The following SGPP2 variants were observed in gnomAD, a reference collection of about 807,000 sequenced individuals.
SGPP2 encodes the protein sphingosine 1-phosphate phosphohydrolase 2.
Under a neutral mutation model 33.9 loss-of-function variants are expected in SGPP2, and 30 were observed. The ratio of observed to expected loss-of-function variants is 0.89; its 90% CI spans 0.66 to 1.20. SGPP2 has a LOEUF of 1.20. Among genes scored for constraint, SGPP2 ranks in the 50% most tolerant of loss-of-function variants. The pLI, the probability that SGPP2 is intolerant of heterozygous loss-of-function variation, is 0.00. For synonymous variants in SGPP2, 233 were observed against 225.0 expected (o/e 1.04, Z -0.32); for missense variants, 458 against 532.1 (o/e 0.86, Z 1.37).
At position 222,476,019 on chromosome 2, in the gene SGPP2, G is replaced by A. The variant is rs1035174867; in HGVS notation, c.378+1293G>A. On this transcript the variant is annotated intron_variant, in intron 2 of 4. Coordinates refer to ENST00000321276, the MANE Select transcript of SGPP2 (RefSeq NM_152386.4). The surrounding 1 kb of genome is among the most constrained non-coding windows in gnomAD (Gnocchi z 4.3). The stretch of plus-strand genomic sequence containing the variant: ...AACGCATAGTGACTGGTGCATGAAG[G>A]CGAAGGAGTCTTGAAGATCAACCAA... 6.6e-6 allele frequency among the ~76,000 whole-genome samples: 1 copy of A among 152,214 alleles called. No individual in the cohort carries two copies. The highest frequency in any genetic ancestry group is 2.4e-5 in the African/African-American group (1 of 41,446).
At chr2:222,425,545 G>A (rs1048431469) in intron 1 of SGPP2, among the ~76,000 whole-genome samples, 1 of 152,152 alleles carries the variant, frequency 6.6e-6, no homozygotes, top group Non-Finnish European at 1.5e-5. Flanking sequence ...CTGCGGCTTG[G>A]GGGGAACCAG....
intron 1 of SGPP2, among the ~76,000 whole-genome samples, chr2:222,472,455 A>G (rs1697859191): frequency 1.3e-5 from 2 of 152,144 alleles, no homozygotes; most frequent in Non-Finnish European, 2.9e-5. Context: ...ACCAGAATGC[A>G]AAAGTCTGGA....
chr2:222,447,555 G>C (rs747188630), intron 1 of SGPP2, among the ~76,000 whole-genome samples: 2 of 152,192 alleles, frequency 1.3e-5, no homozygotes, highest in Non-Finnish European at 2.9e-5. Flanking sequence ...GAGAAAATTA[G>C]AGTGATTGTT....
At chr2:222,513,052 A>G (rs1165590599) in intron 2 of SGPP2, among the ~76,000 whole-genome samples, 1 of 152,216 alleles carries the variant, frequency 6.6e-6, no homozygotes, top group African/African-American at 2.4e-5. Flanking sequence ...AAACTGCCAT[A>G]CCATCTTCCA....
chr2:222,532,469 G>A (rs755911752), intron 4 of SGPP2, among the ~76,000 whole-genome samples: 7 of 152,170 alleles, frequency 4.6e-5, no homozygotes, highest in Non-Finnish European at 8.8e-5. Flanking sequence ...CTCCTGGGCA[G>A]GCCCAACTGA....
intron 2 of SGPP2, among the ~76,000 whole-genome samples, chr2:222,512,817 T>C (rs971548527): frequency 6.6e-6 from 1 of 152,240 alleles, no homozygotes; most frequent in African/African-American, 2.4e-5. Flanking sequence ...GGCTCATTTT[T>C]TAGTGCTGAG....
At chr2:222,516,591 G>A (rs188950529) in intron 2 of SGPP2, among the ~76,000 whole-genome samples, 13 of 152,228 alleles carry the variant, frequency 8.5e-5, no homozygotes, top group Admixed American at 3.3e-4. Flanking sequence ...ACTTATATAT[G>A]TTAAGAAACT....
intron 1 of SGPP2, among the ~76,000 whole-genome samples, chr2:222,463,313 G>GA (rs1050474502): frequency 2.0e-5 from 3 of 152,180 alleles, no homozygotes; most frequent in African/African-American, 7.2e-5. Flanking sequence ...TTAGAGCTCT[G>GA]AAAAGCAAAG....
intron 1 of SGPP2, among the ~76,000 whole-genome samples, chr2:222,433,750 G>A (rs1697193947): frequency 6.6e-6 from 1 of 152,138 alleles, no homozygotes; most frequent in Non-Finnish European, 1.5e-5. Flanking sequence ...AGAGGGTTTT[G>A]ATTAATGAAT....
At chr2:222,441,069 C>T (rs1184242041) in intron 1 of SGPP2, among the ~76,000 whole-genome samples, 1 of 152,214 alleles carries the variant, frequency 6.6e-6, no homozygotes, top group Non-Finnish European at 1.5e-5. Context: ...GAGTAGCTGT[C>T]TAATTTTAAA....
chr2:222,438,917 A>C (rs1697284766), intron 1 of SGPP2, among the ~76,000 whole-genome samples: 1 of 152,048 alleles, frequency 6.6e-6, no homozygotes, highest in Non-Finnish European at 1.5e-5. Context: ...TCACCCTACC[A>C]GTCAGGGAGC....
intron 2 of SGPP2, among the ~76,000 whole-genome samples, chr2:222,479,316 A>G (rs1442204337): frequency 6.9e-6 from 1 of 145,390 alleles, no homozygotes; most frequent in African/African-American, 2.6e-5. Flanking sequence ...TCTATTGAAT[A>G]TTTGCTTTGG....
At chr2:222,468,044 T>C (rs1697778149) in intron 1 of SGPP2, among the ~76,000 whole-genome samples, 2 of 146,722 alleles carry the variant, frequency 1.4e-5, no homozygotes, top group Non-Finnish European at 3.0e-5. Context: ...TCAAATTCTT[T>C]AAAGACCTCA....
intron 1 of SGPP2, among the ~76,000 whole-genome samples, chr2:222,453,291 A>C (rs1420176310): frequency 6.6e-6 from 1 of 152,160 alleles, no homozygotes; most frequent in Non-Finnish European, 1.5e-5. Flanking sequence ...CTGGATTCAC[A>C]CTCATGTTAT....
chr2:222,432,527 A>G (rs1227375629), intron 1 of SGPP2, among the ~76,000 whole-genome samples: 1 of 152,242 alleles, frequency 6.6e-6, no homozygotes, highest in Non-Finnish European at 1.5e-5. Context: ...TCATCCAATT[A>G]AGATCATGCA....
At chr2:222,441,328 A>G (rs1487773134) in intron 1 of SGPP2, among the ~76,000 whole-genome samples, 1 of 152,226 alleles carries the variant, frequency 6.6e-6, no homozygotes, top group African/African-American at 2.4e-5. Flanking sequence ...GTATTTGTCA[A>G]ATATCCAATT....
Position 222,558,499 on chromosome 2 carries a change from T to C in SGPP2, c.801T>C (p.Ser267=). 2 of 1,614,198 alleles carry C rather than the reference T, an allele frequency of 1.2e-6. No homozygotes were observed. Among genetic ancestry groups the C allele is most frequent in the South Asian group, 1.1e-5 (1 of 91,084 alleles). The change falls in exon 5 of 5, where the codon TCT becomes TCC. Residue 267 remains serine, a synonymous_variant. Transcript: ENST00000321276. Reference sequence around the variant, plus strand: ...TCCTGTGTTACAATTACCCTGTTTCTGATTACTACAGCCCAACCCGGGCGG... The same window carrying C: ...TCCTGTGTTACAATTACCCTGTTTCCGATTACTACAGCCCAACCCGGGCGG... The part of the protein sequence containing the change: ...PFFLCYNYPV[S]DYYSPTRADT...
intron 1 of SGPP2, among the ~76,000 whole-genome samples, chr2:222,447,833 GAGCTC>G (rs1226352658): frequency 1.3e-5 from 2 of 152,146 alleles, no homozygotes; most frequent in African/African-American, 4.8e-5. Context: ...CTTCAATGCT[GAGCTC>G]ACGGGTTAGT....
At chr2:222,533,301 C>T (rs750836544) in intron 4 of SGPP2, among the ~76,000 whole-genome samples, 3 of 152,218 alleles carry the variant, frequency 2.0e-5, no homozygotes, top group South Asian at 2.1e-4. Flanking sequence ...TCCCAGCTCC[C>T]GACAACTCCT....
Sources: gnomAD v4.1 joint callset for allele counts (sites outside exome capture counted in the v4.1 genomes callset) on GRCh38, gnomAD v4.1.1 for gene constraint, Gnocchi (gnomAD v3.1) non-coding constraint, MANE v1.5 for transcripts, NCBI Gene and HGNC (gene_info 2026-07-23, HGNC 2026-07-21) for gene names.